Variants in SOX5 observed in about 807,000 individuals in gnomAD.
The protein encoded by SOX5 is SRY-box transcription factor 5.
Under a neutral mutation model 92.0 loss-of-function variants are expected in SOX5, and 9 were observed. The ratio of observed to expected loss-of-function variants is 0.10; its 90% confidence interval spans 0.06 to 0.17. SOX5 has a LOEUF of 0.17. Among genes scored for constraint, SOX5 ranks in the 10% least tolerant of loss-of-function variants. The pLI, the probability that SOX5 is intolerant of heterozygous loss-of-function variation, is 1.00. For missense variants in SOX5, 642 were observed against 944.5 expected (o/e 0.68, Z 4.20); for synonymous variants, 344 against 336.3 (o/e 1.02, Z -0.25).
At chr12:23,761,783 T>C (rs961739380) in intron 3 of SOX5, among the ~76,000 whole-genome samples, 2 of 152,128 alleles carry the variant, frequency 1.3e-5, no homozygotes, top group African/African-American at 4.8e-5. Context: ...GGCTAGTCTG[T>C]TTTAGAACTA....
At chr12:23,870,870 TTTC>T (rs2096865275) in intron 2 of SOX5, among the ~76,000 whole-genome samples, 1 of 152,140 alleles carries the variant, frequency 6.6e-6, no homozygotes, top group South Asian at 2.1e-4. Flanking sequence ...TGTAGTTTTT[TTTC>T]TTCTTCTTCA....
chr12:24,152,757 T>C (rs1465615246), intron 4 of SOX5, among the ~76,000 whole-genome samples: 1 of 152,038 alleles, frequency 6.6e-6, no homozygotes, highest in Non-Finnish European at 1.5e-5. Flanking sequence ...TAGGACAGGA[T>C]AGTATTGTTT....
intron 2 of SOX5, among the ~76,000 whole-genome samples, chr12:24,353,048 G>A (rs754464948): frequency 6.6e-6 from 1 of 152,206 alleles, no homozygotes; most frequent in Non-Finnish European, 1.5e-5. Flanking sequence ...TGAGGTGCAT[G>A]ACAGGGGCTC....
intron 4 of SOX5, among the ~76,000 whole-genome samples, chr12:24,131,580 A>G (rs1445974414): frequency 6.6e-6 from 1 of 152,226 alleles, no homozygotes; most frequent in Non-Finnish European, 1.5e-5. Flanking sequence ...TTAAATATGC[A>G]GCATTAACTT....
At chr12:24,105,765 C>G (rs1407844588) in intron 4 of SOX5, among the ~76,000 whole-genome samples, 1 of 152,050 alleles carries the variant, frequency 6.6e-6, no homozygotes, top group African/African-American at 2.4e-5. Flanking sequence ...TTTATGTTAC[C>G]ATAGTCAGAG....
At position 23,943,866 on chromosome 12, in the gene SOX5, T is replaced by C. The variant is rs190127770; in HGVS notation, c.38+5698A>G. Among the ~76,000 whole-genome samples the C allele has an allele frequency of 2.7e-4, 41 of 152,190 alleles. No individual in the cohort carries two copies. In the East Asian group the frequency reaches 7.4e-3, roughly 27 times the overall value. On this transcript the variant is annotated intron_variant, in intron 1 of 14. Coordinates refer to ENST00000451604, the MANE Select transcript of SOX5 (RefSeq NM_006940.6). Reference sequence around the variant, plus strand: ...CTTAAACTACCTTGTAATAGATTAATTACTTTCAAGCTGGGTGACAAAAGG... The same window carrying C: ...CTTAAACTACCTTGTAATAGATTAACTACTTTCAAGCTGGGTGACAAAAGG...
At chr12:24,140,824 C>T (rs1950519968) in intron 4 of SOX5, among the ~76,000 whole-genome samples, 1 of 152,136 alleles carries the variant, frequency 6.6e-6, no homozygotes, top group Non-Finnish European at 1.5e-5. Flanking sequence ...CAAAAACTCT[C>T]TTAAAAACAA....
At chr12:24,362,502 C>A (rs186106460) in intron 2 of SOX5, among the ~76,000 whole-genome samples, 20 of 152,178 alleles carry the variant, frequency 1.3e-4, no homozygotes, top group Admixed American at 7.9e-4. Flanking sequence ...CTTAAGAGGG[C>A]GTGGGGAGAG....
At chr12:24,125,944 G>A (rs554617523) in intron 4 of SOX5, among the ~76,000 whole-genome samples, 70 of 152,150 alleles carry the variant, frequency 4.6e-4, no homozygotes, top group Non-Finnish European at 7.1e-4. Context: ...TTTCAGATCC[G>A]TATCTTGCTT....
In SOX5 at chr12:23,884,280, C is replaced by T. The variant is rs181515514; in HGVS notation, c.270+11513G>A. ...TGCCAAATGCCATACAGATATCAAA[C>T]GGATCTTGGAATTTACCCAGTAATT... is the stretch of plus-strand genomic sequence containing the variant. On this transcript the variant is annotated intron_variant, in intron 2 of 14. Transcript: ENST00000451604. Among the ~76,000 whole-genome samples the T allele has an allele frequency of 1.7e-4, 26 of 152,236 alleles. No individual in the cohort carries two copies. In the South Asian group the frequency reaches 1.9e-3, roughly 11 times the overall value.
chr12:24,045,169 C>A (rs1956878133), intron 4 of SOX5, among the ~76,000 whole-genome samples: 1 of 152,146 alleles, frequency 6.6e-6, no homozygotes, highest in South Asian at 2.1e-4. Context: ...GGGTTCAGAT[C>A]AAGTCTCCAC....
At chr12:24,249,058 A>G (rs1939492756) in intron 3 of SOX5, among the ~76,000 whole-genome samples, 1 of 152,200 alleles carries the variant, frequency 6.6e-6, no homozygotes, top group Admixed American at 6.5e-5. Context: ...TGCCCACACC[A>G]CTGATCAGCT....
intron 4 of SOX5, among the ~76,000 whole-genome samples, chr12:24,161,238 T>G (rs1952724249): frequency 6.6e-6 from 1 of 152,094 alleles, no homozygotes; most frequent in Admixed American, 6.6e-5. Flanking sequence ...GACAAACAAG[T>G]TACTTCTTAC....
chr12:23,993,482 G>A (rs528829009), intron 4 of SOX5, among the ~76,000 whole-genome samples: 1 of 152,110 alleles, frequency 6.6e-6, no homozygotes, highest in African/African-American at 2.4e-5. Flanking sequence ...AAGGAGATAG[G>A]ACTCAAAACT....
intron 1 of SOX5, among the ~76,000 whole-genome samples, chr12:24,492,945 C>T (rs1001882404): frequency 5.9e-5 from 9 of 152,082 alleles, no homozygotes; most frequent in Admixed American, 5.9e-4. Flanking sequence ...TTTTCTGCTC[C>T]AGTAAACAAA....
chr12:23,819,641 A>G (rs973682101), intron 3 of SOX5, among the ~76,000 whole-genome samples: 1 of 151,924 alleles, frequency 6.6e-6, no homozygotes, highest in African/African-American at 2.4e-5. Context: ...ATGTGTTCTC[A>G]TTGTTCAACT....
At chr12:24,185,479 T>C (rs535355083) in intron 4 of SOX5, among the ~76,000 whole-genome samples, 1 of 152,182 alleles carries the variant, frequency 6.6e-6, no homozygotes, top group Non-Finnish European at 1.5e-5. Flanking sequence ...TGTCACTATT[T>C]ATTTAGTATA....
Position 24,068,704 on chromosome 12 carries a change from GTATATATATATATA to G in SOX5, c.-2+144625_-2+144638del, listed in dbSNP as rs1164844032. 5.1e-3 allele frequency among the ~76,000 whole-genome samples: 382 copies of G among 74,304 alleles called. 2 individuals are homozygous for G. The highest frequency in any genetic ancestry group is 0.012 in the South Asian group (20 of 1,662). The allele number at this position is 74,304 out of a possible 152,430, so 48.7% of individuals were successfully genotyped here. The stretch of plus-strand genomic sequence containing the variant: ...TATGTGTGTGTGTGTGTGTGTGTGT[GTATATATATATATA>G]TATATATATATATATATATATATAT... On this transcript the variant is annotated intron_variant, in intron 4 of 4. Coordinates refer to the SOX5 transcript ENST00000446891.
At chr12:24,460,839 C>T (rs974719945) in intron 1 of SOX5, 8 of 152,202 alleles carry the variant, frequency 5.3e-5, no homozygotes, top group African/African-American at 1.7e-4. Flanking sequence ...GTTTCCTCCA[C>T]AGAGACTCTT....
Sources: gnomAD v4.1 joint callset for allele counts (sites outside exome capture counted in the v4.1 genomes callset) on GRCh38, gnomAD v4.1.1 for gene constraint, MANE v1.5 for transcripts, NCBI Gene and HGNC (gene_info 2026-07-23, HGNC 2026-07-21) for gene names.